CAPN9: variants seen among roughly 807,000 people sequenced by gnomAD.
CAPN9 encodes the protein calpain-9.
In CAPN9, 81 loss-of-function variants were observed where a neutral mutation model predicts 92.8. The ratio of observed to expected loss-of-function variants is 0.87; its 90% CI spans 0.73 to 1.05. The LOEUF (loss-of-function observed/expected upper bound fraction) is 1.05, where lower values mean the gene tolerates loss of function less well. Among genes scored for constraint, CAPN9 ranks in the 50% least tolerant of loss-of-function variants. CAPN9 has a pLI of 0.00. For missense variants in CAPN9, 848 were observed against 866.2 expected, an observed-to-expected ratio of 0.98 and a Z score of 0.26; for synonymous variants, 304 against 328.0, an observed-to-expected ratio of 0.93 and a Z score of 0.79.
intron 5 of CAPN9, among the ~76,000 whole-genome samples, chr1:230,768,979 C>G (rs999391746): frequency 6.6e-6 from 1 of 152,246 alleles, no homozygotes; most frequent in African/African-American, 2.4e-5. Flanking sequence ...CCTCCCCATC[C>G]TGGGAAGAGA....
rs967858034 is a variant in CAPN9 at position 230,801,680 on chromosome 1, A to T, written c.*84A>T. 1 of 1,267,760 alleles carries T rather than the reference A, an allele frequency of 7.9e-7. No homozygotes were observed. The highest frequency in any genetic ancestry group is 1.2e-6 in the Non-Finnish European group (1 of 864,078). The allele number at this position is 1,267,760 out of a possible 1,614,324, so 78.5% of individuals were successfully genotyped here. On this transcript the variant is annotated 3_prime_UTR_variant, in exon 20 of 20. Coordinates refer to ENST00000271971, the MANE Select transcript of CAPN9 (RefSeq NM_006615.3). ...TCAGAACTTCTCTTGGTGTGGAACC[A>T]TTACGCCCAGGGTTCACTCCCCTCT... is the stretch of plus-strand genomic sequence containing the variant.
chr1:230,752,074 A>T (rs969023866), intron 1 of CAPN9, among the ~76,000 whole-genome samples: 2 of 152,214 alleles, frequency 1.3e-5, no homozygotes, highest in Non-Finnish European at 2.9e-5. Context: ...CACATGCAGG[A>T]CACTCACACG....
At chr1:230,769,355 G>A (rs1422535281) in intron 6 of CAPN9, 92 bp downstream of exon 6, 5 of 939,150 alleles carry the variant, frequency 5.3e-6, no homozygotes, top group South Asian at 4.8e-5. Flanking sequence ...CAGTTTAAAT[G>A]TCTGCCTTTC....
At chr1:230,792,056 A>T (rs1668024026) in intron 15 of CAPN9, 128 bp downstream of exon 15, 1 of 757,876 alleles carries the variant, frequency 1.3e-6, no homozygotes, top group African/African-American at 1.8e-5. Context: ...TCTTCTTCAC[A>T]GAAAATAACC....
chr1:230,763,472 C>A (rs1397580107), intron 4 of CAPN9, among the ~76,000 whole-genome samples: 2 of 152,318 alleles, frequency 1.3e-5, no homozygotes, highest in East Asian at 3.9e-4. Flanking sequence ...AGTCTAGGAA[C>A]CTCATATAAG....
chr1:230,785,493 ATAG>A (rs1259221044), intron 11 of CAPN9, among the ~76,000 whole-genome samples: 2 of 152,106 alleles, frequency 1.3e-5, no homozygotes, highest in Non-Finnish European at 2.9e-5. Flanking sequence ...TGTCTTCACG[ATAG>A]TGAGTTTGCA....
intron 4 of CAPN9, among the ~76,000 whole-genome samples, chr1:230,767,154 C>T (rs978805687): frequency 2.0e-5 from 3 of 152,104 alleles, no homozygotes; most frequent in Admixed American, 2.0e-4. Context: ...GTGAGACACA[C>T]GATTTGAACC....
chr1:230,786,418 A>G (rs1178042958), intron 12 of CAPN9, among the ~76,000 whole-genome samples: 1 of 152,250 alleles, frequency 6.6e-6, no homozygotes, highest in Non-Finnish European at 1.5e-5. Flanking sequence ...AAGGTTTTTA[A>G]AGAAAAAATG....
rs1004135899 is a variant in CAPN9, at chr1:230,763,832, C to T, written c.536+1046C>T. On this transcript the variant is annotated intron_variant, in intron 4 of 19. Transcript: ENST00000271971. ...AAAGATGCCCACGCTTGCCCTCTGTCCCACCCAGGTCTGTGCAAACACCAT... is the reference window on the plus strand; with the variant it reads ...AAAGATGCCCACGCTTGCCCTCTGTTCCACCCAGGTCTGTGCAAACACCAT... Among the ~76,000 whole-genome samples, 3 of 152,204 alleles carry T rather than the reference C, an allele frequency of 2.0e-5. No homozygotes were observed. The South Asian group carries it at 6.2e-4, about 31-fold the overall frequency.
intron 5 of CAPN9, among the ~76,000 whole-genome samples, chr1:230,768,067 A>C (rs1666125195): frequency 2.7e-5 from 4 of 149,866 alleles, no homozygotes; most frequent in Admixed American, 2.7e-4. Flanking sequence ...AAATAAAATA[A>C]AATAAAATAA....
At position 230,792,743 on chromosome 1, in the gene CAPN9, C is replaced by T. The variant is rs548496842; in HGVS notation, c.1792-107C>T. ...AGGCCCAGTCCAACTGTGGCCTCTG[C>T]GGCCCCTAGAGGGTAGCTCCCCCGG... is the stretch of plus-strand genomic sequence containing the variant. On this transcript the variant is annotated intron_variant, in intron 16 of 19. Transcript: ENST00000271971. The T allele has an allele frequency of 1.1e-4, 106 of 938,442 alleles. No homozygotes were observed. In the East Asian group the frequency reaches 1.9e-3, roughly 17 times the overall value. The allele number at this position is 938,442 out of a possible 1,614,324, so 58.1% of individuals were successfully genotyped here.
At chr1:230,793,068 C>T (rs1668118136) in intron 17 of CAPN9, 140 bp downstream of exon 17, 2 of 670,858 alleles carry the variant, frequency 3.0e-6, no homozygotes, top group Admixed American at 5.1e-5. Flanking sequence ...AGGTCACGGC[C>T]CTTGGAGTGG....
chr1:230,790,337 G>A, intron 14 of CAPN9, 148 bp downstream of exon 14: 1 of 1,385,548 alleles, frequency 7.2e-7, no homozygotes, highest in Non-Finnish European at 9.4e-7. Flanking sequence ...TTCATTGTTT[G>A]TTTTCCTGAT....
In CAPN9 at chr1:230,761,194, C is replaced by T. The variant is rs140591245; in HGVS notation, c.403-1459C>T. On this transcript the variant is annotated intron_variant, in intron 3 of 19. Transcript: ENST00000271971. ...AGTCCCGCAATAACAATACTCCGCC[C>T]GCTCCCCTCCTTGGCCTTCTAGGAA... Among the ~76,000 whole-genome samples, 30 of 152,206 alleles carry T rather than the reference C, an allele frequency of 2.0e-4. No individual in the cohort carries two copies. In the East Asian group the frequency reaches 5.4e-3, roughly 28 times the overall value.
chr1:230,750,555 G>A (rs1054725754), intron 1 of CAPN9, among the ~76,000 whole-genome samples: 12 of 152,140 alleles, frequency 7.9e-5, no homozygotes, highest in African/African-American at 2.7e-4. Context: ...GGGGGGTAGC[G>A]GGCCATAGGG....
intron 8 of CAPN9, among the ~76,000 whole-genome samples, chr1:230,775,023 G>T (rs1276413757): frequency 6.6e-6 from 1 of 152,068 alleles, no homozygotes; most frequent in Non-Finnish European, 1.5e-5. Flanking sequence ...TTACAGGTAT[G>T]AGCCACCACG....
In CAPN9 at chr1:230,762,622, G is replaced by A. The variant is rs28359629; in HGVS notation, c.403-31G>A. 2.5e-3 allele frequency: 3,958 copies of A among 1,609,854 alleles called. 95 individuals are homozygous for A. In the African/African-American group the frequency reaches 0.047, roughly 19 times the overall value. On this transcript the variant is annotated intron_variant, in intron 3 of 19. Transcript: ENST00000271971. ...CCTGGAGCTCCCATGTAGCTGACTC[G>A]CATCATTTCTGTCTTTTTCCTGGGC...
intron 1 of CAPN9, among the ~76,000 whole-genome samples, chr1:230,753,635 G>A (rs1665000655): frequency 1.3e-5 from 2 of 152,264 alleles, no homozygotes; most frequent in South Asian, 2.1e-4. Context: ...CCCACGTGGC[G>A]TCCGCCCAGA....
intron 9 of CAPN9, among the ~76,000 whole-genome samples, chr1:230,779,378 A>G (rs1667053530): frequency 6.6e-6 from 1 of 152,198 alleles, no homozygotes; most frequent in South Asian, 2.1e-4. Context: ...CCAGTTTAGC[A>G]ATAGAAAGGA....
Sources: gnomAD v4.1 joint callset for allele counts (sites outside exome capture counted in the v4.1 genomes callset) on GRCh38, gnomAD v4.1.1 for gene constraint, MANE v1.5 for transcripts, NCBI Gene and HGNC (gene_info 2026-07-23, HGNC 2026-07-21) for gene names.